PARP16: variants seen among roughly 807,000 people sequenced by gnomAD.
The protein encoded by PARP16 is poly(ADP-ribose) polymerase family member 16.
In PARP16, 31 loss-of-function variants were observed where a neutral mutation model predicts 35.0. The ratio of observed to expected loss-of-function variants is 0.88; its 90% CI spans 0.66 to 1.19. The LOEUF (loss-of-function observed/expected upper bound fraction) is 1.19. Ranked by LOEUF, PARP16 falls within the 50% of genes most tolerant of loss-of-function variation. The pLI is 0.00. For missense variants in PARP16, 424 were observed against 411.2 expected, an observed-to-expected ratio of 1.03 and a Z score of -0.27; for synonymous variants, 162 against 169.5, an observed-to-expected ratio of 0.96 and a Z score of 0.34.
intron 1 of PARP16, among the ~76,000 whole-genome samples, chr15:65,281,215 T>C (rs1481130673): frequency 6.6e-6 from 1 of 152,136 alleles, no homozygotes; most frequent in African/African-American, 2.4e-5. Flanking sequence ...CGGAGGCCAA[T>C]GGTTAAGGGG....
At chr15:65,284,017 A>T (rs1016552496) in intron 1 of PARP16, among the ~76,000 whole-genome samples, 1 of 152,180 alleles carries the variant, frequency 6.6e-6, no homozygotes, top group Non-Finnish European at 1.5e-5. Context: ...GTGGGCTACC[A>T]GGACCAGGTT....
chr15:65,240,973 C>A (rs2089060585), intron 3 of PARP16, among the ~76,000 whole-genome samples: 1 of 151,964 alleles, frequency 6.6e-6, no homozygotes, highest in African/African-American at 2.4e-5. Flanking sequence ...GCTGGGACTG[C>A]AGGTGCACAC....
intron 2 of PARP16, among the ~76,000 whole-genome samples, chr15:65,252,030 C>A (rs1395694228): frequency 1.3e-5 from 2 of 152,226 alleles, no homozygotes; most frequent in Non-Finnish European, 2.9e-5. Flanking sequence ...TCCCAAAGTG[C>A]TGGGATTACA....
intron 1 of PARP16, among the ~76,000 whole-genome samples, chr15:65,280,479 AC>A (rs2090388420): frequency 6.6e-6 from 1 of 151,780 alleles, no homozygotes; most frequent in Non-Finnish European, 1.5e-5. Flanking sequence ...CAGCAATTTC[AC>A]CTCTCAGAAT....
chr15:65,271,850 T>C (rs941680219), intron 1 of PARP16, among the ~76,000 whole-genome samples: 2 of 152,176 alleles, frequency 1.3e-5, no homozygotes, highest in African/African-American at 4.8e-5. Flanking sequence ...TGGATAAAGG[T>C]AGTATGACAA....
intron 3 of PARP16, among the ~76,000 whole-genome samples, chr15:65,247,069 C>T (rs1561890): frequency 0.4 from 61,012 of 151,792 alleles, 13,880 homozygotes; most frequent in East Asian, 0.84. Flanking sequence ...TAGCTCACTG[C>T]AGCCTCGACC....
downstream of PARP16, among the ~76,000 whole-genome samples, chr15:65,255,700 G>T (rs146355384): frequency 2.0e-5 from 3 of 149,430 alleles, no homozygotes; most frequent in Non-Finnish European, 3.0e-5. Flanking sequence ...TTTGCAGGGA[G>T]GGGGGTTGGA....
chr15:65,245,164 C>T (rs1207260408), intron 3 of PARP16, among the ~76,000 whole-genome samples: 1 of 152,234 alleles, frequency 6.6e-6, no homozygotes, highest in Non-Finnish European at 1.5e-5. Context: ...CCATGAACCT[C>T]ACCTCGTGGC....
downstream of PARP16, among the ~76,000 whole-genome samples, chr15:65,231,723 C>T (rs1000187555): frequency 9.2e-5 from 14 of 152,098 alleles, no homozygotes; most frequent in South Asian, 4.1e-4. Context: ...GCTGCAATTA[C>T]GGGTGTGAGC....
chr15:65,239,659 CTTTT>C (rs71136328), intron 3 of PARP16, among the ~76,000 whole-genome samples: 3 of 129,352 alleles, frequency 2.3e-5, no homozygotes, highest in Non-Finnish European at 5.0e-5. Context: ...GTAATTTTTT[CTTTT>C]TTTTTTTTTT....
downstream of PARP16, among the ~76,000 whole-genome samples, chr15:65,253,601 A>AT (rs1468105507): frequency 6.6e-6 from 1 of 151,986 alleles, no homozygotes; most frequent in African/African-American, 2.4e-5. Flanking sequence ...AAGTGCTGGG[A>AT]TTACAGGCGT....
chr15:65,239,507 T>C (rs2088989592), intron 3 of PARP16, among the ~76,000 whole-genome samples: 2 of 140,436 alleles, frequency 1.4e-5, no homozygotes, highest in Non-Finnish European at 3.1e-5. Flanking sequence ...GAACTATACC[T>C]ATGACCTCCA....
chr15:65,271,862 T>C (rs1015662370), intron 1 of PARP16, among the ~76,000 whole-genome samples: 1 of 152,196 alleles, frequency 6.6e-6, no homozygotes, highest in East Asian at 1.9e-4. Context: ...GTATGACAAC[T>C]ACATACGTAA....
chr15:65,252,306 C>T (rs1043384418), intron 2 of PARP16, among the ~76,000 whole-genome samples: 2 of 152,198 alleles, frequency 1.3e-5, no homozygotes, highest in East Asian at 1.9e-4. Context: ...CAAAGGAAAT[C>T]GATGGCCAAA....
downstream of PARP16, among the ~76,000 whole-genome samples, chr15:65,232,241 C>A (rs2088786189): frequency 1.3e-5 from 2 of 152,188 alleles, no homozygotes; most frequent in South Asian, 4.1e-4. Context: ...ATCTAGCTCA[C>A]ACATTCACTG....
rs2090616376 is a variant in PARP16 at position 65,286,846 on chromosome 15, C to T, written c.-420G>A. 1 of 166,608 alleles carries T rather than the reference C, an allele frequency of 6.0e-6. No individual in the cohort carries two copies. The highest frequency in any genetic ancestry group is 1.3e-5 in the Non-Finnish European group (1 of 78,002). 10.3% of individuals were successfully genotyped at this position (166,608 alleles called of 1,614,324 possible). On this transcript the variant is annotated 5_prime_UTR_variant, in exon 1 of 6. Coordinates refer to ENST00000649807, the MANE Select transcript of PARP16 (RefSeq NM_001316943.2). ...GGGGACGGCGGGCAGAGCCCACTCT[C>T]CGCGACGGGCGAGGCTGCTGCGCCG...
rs1263066753 is a variant in PARP16, at chr15:65,262,079, G to A, written c.692-1053C>T. Among the ~76,000 whole-genome samples, 3 of 151,672 alleles carry A rather than the reference G, an allele frequency of 2.0e-5. No homozygotes were observed. In the East Asian group the frequency reaches 5.8e-4, roughly 29 times the overall value. On this transcript the variant is annotated intron_variant, in intron 4 of 5. Transcript: ENST00000649807. ...TCCAGTTGTTTTACATTAGAGGCCA[G>A]AACAGTCAGTTTTCTGAATTCTCTT...
chr15:65,283,641 G>T (rs2090485783), intron 1 of PARP16, among the ~76,000 whole-genome samples: 1 of 152,166 alleles, frequency 6.6e-6, no homozygotes, highest in African/African-American at 2.4e-5. Flanking sequence ...TCCACCCCTA[G>T]ATGGTGTTCC....
chr15:65,248,713 G>C (rs933282543), intron 2 of PARP16, among the ~76,000 whole-genome samples: 26 of 152,192 alleles, frequency 1.7e-4, no homozygotes, highest in African/African-American at 5.8e-4. Context: ...CACACTGTCT[G>C]CCTCCTTCCC....
Sources: allele counts gnomAD v4.1 joint callset (sites outside exome capture counted in the v4.1 genomes callset), GRCh38; gene constraint gnomAD v4.1.1; transcripts MANE v1.5; gene names NCBI Gene and HGNC (gene_info 2026-07-23, HGNC 2026-07-21).